The following C4orf51 variants were observed in gnomAD, a reference collection of about 807,000 sequenced individuals.
C4orf51 encodes uncharacterized protein C4orf51.
Under a neutral mutation model 25.2 loss-of-function variants are expected in C4orf51, and 25 were observed. The ratio of observed to expected loss-of-function variants is 0.99; its 90% CI spans 0.72 to 1.39. The LOEUF is 1.39. Ranked by LOEUF, C4orf51 falls within the 40% of genes most tolerant of loss-of-function variation. C4orf51 has a pLI of 0.00. For synonymous variants in C4orf51, 100 were observed against 84.5 expected (o/e 1.18, Z -1.01); for missense variants, 252 against 239.6 (o/e 1.05, Z -0.34).
Position 145,683,308 on chromosome 4 carries a change from T to A in C4orf51, c.233+2872T>A, listed in dbSNP as rs75229884. Among the ~76,000 whole-genome samples the A allele has an allele frequency of 3.1e-3, 468 of 152,312 alleles. 1 individual carries two copies. The highest frequency in any genetic ancestry group is 0.011 in the African/African-American group (453 of 41,574). On this transcript the variant is annotated intron_variant, in intron 1 of 5. Coordinates refer to ENST00000438731, the MANE Select transcript of C4orf51 (RefSeq NM_001080531.3). ...TGTCCATGGATAGGAAGACTGAACA[T>A]TATCAAGATGTCAGCCCTTCCCAAA...
At chr4:145,756,291 A>G (rs1311873514), downstream of C4orf51, among the ~76,000 whole-genome samples, 1 of 152,254 alleles carries the variant, frequency 6.6e-6, no homozygotes, top group Non-Finnish European at 1.5e-5. Flanking sequence ...TATAGAAAAC[A>G]TGGCTTTGAG....
At chr4:145,701,717 C>A (rs1730457558) in intron 2 of C4orf51, among the ~76,000 whole-genome samples, 1 of 151,960 alleles carries the variant, frequency 6.6e-6, no homozygotes. Flanking sequence ...TTTCCCTTGC[C>A]TCCATAACTG....
chr4:145,681,550 G>A (rs1011975541), intron 1 of C4orf51, among the ~76,000 whole-genome samples: 1 of 152,318 alleles, frequency 6.6e-6, no homozygotes, highest in African/African-American at 2.4e-5. Context: ...TGGCCAGGTA[G>A]TGAAGTTGTC....
intron 1 of C4orf51, among the ~76,000 whole-genome samples, chr4:145,746,348 T>C (rs904779826): frequency 6.6e-6 from 1 of 152,196 alleles, no homozygotes; most frequent in Non-Finnish European, 1.5e-5. Flanking sequence ...TATTTTGAGA[T>C]CTTAGATACT....
chr4:145,728,881 G>A (rs1732260579), intron 3 of C4orf51, among the ~76,000 whole-genome samples: 1 of 151,258 alleles, frequency 6.6e-6, no homozygotes, highest in South Asian at 2.1e-4. Context: ...ATATTTTACT[G>A]TTATTGTTTG....
chr4:145,701,965 C>T (rs10002016), intron 2 of C4orf51, among the ~76,000 whole-genome samples: 92,788 of 150,872 alleles, frequency 0.62, 29,401 homozygotes, highest in African/African-American at 0.79. Flanking sequence ...CCTCTCATAT[C>T]CCCCCACCTT....
chr4:145,727,320 T>G (rs1732119207), intron 3 of C4orf51, among the ~76,000 whole-genome samples: 1 of 152,142 alleles, frequency 6.6e-6, no homozygotes, highest in Non-Finnish European at 1.5e-5. Flanking sequence ...AAGTAAAGAT[T>G]ATCTGAAATC....
intron 1 of C4orf51, among the ~76,000 whole-genome samples, 166 bp from the exon 2 acceptor site, chr4:145,696,393 C>A (rs1459155850): frequency 6.6e-6 from 1 of 152,162 alleles, no homozygotes; most frequent in Non-Finnish European, 1.5e-5. Flanking sequence ...GTACAACAAA[C>A]CCCCGTTACA....
chr4:145,723,782 A>G (rs1246476665), intron 2 of C4orf51, among the ~76,000 whole-genome samples: 1 of 152,244 alleles, frequency 6.6e-6, no homozygotes, highest in African/African-American at 2.4e-5. Context: ...TTAGGGTAAC[A>G]TTAAATGTCC....
intron 1 of C4orf51, among the ~76,000 whole-genome samples, chr4:145,753,121 T>G (rs1382355247): frequency 3.4e-5 from 5 of 149,216 alleles, no homozygotes; most frequent in African/African-American, 5.0e-5. Context: ...TCACCTGATT[T>G]TTGGTCTTTA....
At chr4:145,718,554 C>T (rs541475096) in intron 2 of C4orf51, among the ~76,000 whole-genome samples, 1 of 152,222 alleles carries the variant, frequency 6.6e-6, no homozygotes, top group Non-Finnish European at 1.5e-5. Context: ...AGTAAGAAGT[C>T]ACTGGACTAC....
intron 1 of C4orf51, among the ~76,000 whole-genome samples, chr4:145,681,429 G>C (rs2126645650): frequency 6.6e-6 from 1 of 152,254 alleles, no homozygotes; most frequent in Admixed American, 6.5e-5. Flanking sequence ...ATCTGGTTTA[G>C]TCCAACAAAG....
chr4:145,765,875 T>TGGGGGA lies in C4orf51; in HGVS notation n.167-5112_167-5111insGGGGAG. ...AGGCTCATGTCCCCAGCTCCCCCAC[T>TGGGGGA]GCTGGGGGATCCCAGGTCCTAAGGC... On this transcript the variant is annotated intron_variant and non_coding_transcript_variant, in intron 1 of 1. Transcript: ENST00000510096. The surrounding 1 kb of genome is among the most constrained non-coding windows in gnomAD (Gnocchi z 4.7). 9.8e-6 allele frequency: 8 copies of TGGGGGA among 816,830 alleles called. No homozygotes were observed. The highest frequency in any genetic ancestry group is 1.3e-5 in the Non-Finnish European group (7 of 541,420). The allele number at this position is 816,830 out of a possible 1,614,324, so 50.6% of individuals were successfully genotyped here.
intron 2 of C4orf51, among the ~76,000 whole-genome samples, chr4:145,719,583 T>C (rs1170159766): frequency 8.6e-6 from 1 of 116,536 alleles, no homozygotes; most frequent in African/African-American, 3.9e-5. Flanking sequence ...AGTGAGACTC[T>C]GTCTCAAAAA....
chr4:145,761,705 G>T lies in C4orf51; in HGVS notation n.167-9283G>T. The T allele has an allele frequency of 1.4e-6, 1 of 695,350 alleles. No homozygotes were observed. Among genetic ancestry groups the T allele is most frequent in the Non-Finnish European group, 2.1e-6 (1 of 486,014 alleles). 43.1% of individuals were successfully genotyped at this position (695,350 alleles called of 1,614,324 possible). On this transcript the variant is annotated intron_variant and non_coding_transcript_variant, in intron 1 of 1. Transcript: ENST00000510096. This position sits in a 1 kb window ranked among gnomAD's most constrained non-coding sequence, Gnocchi z 6.8. ...CCTCACACCACCCCCCAGTGTCTGAGGCCTGGCCTGCCCAGCCCAGCCCAG... is the reference window on the plus strand; with the variant it reads ...CCTCACACCACCCCCCAGTGTCTGATGCCTGGCCTGCCCAGCCCAGCCCAG...
chr4:145,717,023 T>A (rs1221741739), intron 2 of C4orf51, among the ~76,000 whole-genome samples: 2 of 152,162 alleles, frequency 1.3e-5, no homozygotes, highest in African/African-American at 4.8e-5. Flanking sequence ...AACATGTCAT[T>A]CATAGTAAGT....
chr4:145,688,956 A>G (rs1729356773), intron 1 of C4orf51, among the ~76,000 whole-genome samples: 1 of 152,230 alleles, frequency 6.6e-6, no homozygotes, highest in African/African-American at 2.4e-5. Context: ...CATATTATAA[A>G]GCTTCAGTAA....
chr4:145,691,461 TA>T (rs1729555401), intron 1 of C4orf51, among the ~76,000 whole-genome samples: 1 of 152,192 alleles, frequency 6.6e-6, no homozygotes, highest in African/African-American at 2.4e-5. Context: ...CGAAGGAAAG[TA>T]AATCATTTCA....
At chr4:145,746,827 T>C (rs1199078905) in intron 1 of C4orf51, among the ~76,000 whole-genome samples, 1 of 152,148 alleles carries the variant, frequency 6.6e-6, no homozygotes, top group Non-Finnish European at 1.5e-5. Flanking sequence ...TTAACAATAT[T>C]GATTCTTGCA....
Sources: gnomAD v4.1 joint callset for allele counts (sites outside exome capture counted in the v4.1 genomes callset) on GRCh38, gnomAD v4.1.1 for gene constraint, Gnocchi (gnomAD v3.1) non-coding constraint, MANE v1.5 for transcripts, NCBI Gene and HGNC (gene_info 2026-07-23, HGNC 2026-07-21) for gene names.